Variants in NXPE2 observed in about 807,000 individuals in gnomAD.
NXPE2 encodes the protein neurexophilin and PC-esterase domain family member 2.
Under a neutral mutation model 34.4 loss-of-function variants are expected in NXPE2, and 34 were observed. That is an observed-to-expected ratio of 0.99 (90% CI 0.75 to 1.31). The LOEUF is 1.31. Ranked by LOEUF, NXPE2 falls within the 40% of genes most tolerant of loss-of-function variation. NXPE2 has a pLI of 0.00. For missense variants in NXPE2, 649 were observed against 672.5 expected, an observed-to-expected ratio of 0.97 and a Z score of 0.39; for synonymous variants, 235 against 231.3, an observed-to-expected ratio of 1.02 and a Z score of -0.15.
the NXPE2 span, among the ~76,000 whole-genome samples, chr11:114,592,800 C>T: frequency 2.0e-5 from 3 of 152,126 alleles, no homozygotes; most frequent in African/African-American, 7.2e-5. Context: ...TTATAGTAAA[C>T]AGTGTTATAC....
the NXPE2 span, among the ~76,000 whole-genome samples, chr11:114,643,823 G>A: frequency 6.6e-6 from 1 of 152,070 alleles, no homozygotes; most frequent in Non-Finnish European, 1.5e-5. Flanking sequence ...GCTTGATGGG[G>A]ATAGCAGTGA....
chr11:114,691,203 A>G (rs1300353704), intron 2 of NXPE2, among the ~76,000 whole-genome samples: 2 of 151,722 alleles, frequency 1.3e-5, no homozygotes, highest in African/African-American at 4.8e-5. Flanking sequence ...GACGGAGTTG[A>G]CACTTCTTTT....
the NXPE2 span, among the ~76,000 whole-genome samples, chr11:114,600,461 A>C: frequency 2.0e-5 from 3 of 152,280 alleles, no homozygotes; most frequent in East Asian, 5.8e-4. Flanking sequence ...TGTACTGAGA[A>C]GGGCACATCA....
chr11:114,691,962 A>C (rs1006710435), intron 2 of NXPE2, among the ~76,000 whole-genome samples: 8 of 152,352 alleles, frequency 5.3e-5, no homozygotes, highest in Middle Eastern at 6.8e-3. Flanking sequence ...CCCGGCTACA[A>C]GCCTCACCAC....
At chr11:114,560,519 G>A in the NXPE2 span, among the ~76,000 whole-genome samples, 175 of 152,032 alleles carry the variant, frequency 1.2e-3, no homozygotes, top group Non-Finnish European at 2.2e-3. Context: ...TGTCTTCCTC[G>A]GCCACCCAAA....
chr11:114,703,671 TA>T lies in NXPE2; in HGVS notation c.867-319del, dbSNP rs1252203754. 6.4e-3 allele frequency among the ~76,000 whole-genome samples: 125 copies of T among 19,396 alleles called. 1 individual carries two copies. The highest frequency in any genetic ancestry group is 0.062 in the Middle Eastern group (4 of 64). The allele number at this position is 19,396 out of a possible 152,430, so 12.7% of individuals were successfully genotyped here. On this transcript the variant is annotated intron_variant, in intron 3 of 5. Transcript: ENST00000389586. ...AAATAAGCATAGATAGATAGATAGA[TA>T]GATAGATAGATAGATAGATAGATAG...
the NXPE2 span, among the ~76,000 whole-genome samples, chr11:114,505,208 G>C: frequency 6.6e-6 from 1 of 152,134 alleles, no homozygotes; most frequent in Non-Finnish European, 1.5e-5. Context: ...CAAAACCTCT[G>C]ATAAATGTGG....
the NXPE2 span, among the ~76,000 whole-genome samples, chr11:114,468,999 A>G: frequency 2.0e-5 from 3 of 152,282 alleles, no homozygotes; most frequent in South Asian, 6.2e-4. Context: ...CAAAAAGGCA[A>G]AATTCACAAT....
chr11:114,572,411 T>G, the NXPE2 span, among the ~76,000 whole-genome samples: 1 of 152,168 alleles, frequency 6.6e-6, no homozygotes, highest in African/African-American at 2.4e-5. Flanking sequence ...GGTTGATTAT[T>G]AAGCTAATCA....
chr11:114,536,166 C>G, the NXPE2 span, among the ~76,000 whole-genome samples: 12 of 152,192 alleles, frequency 7.9e-5, no homozygotes, highest in African/African-American at 2.4e-4. Flanking sequence ...ACTGAACAAC[C>G]TGCTTCTGAA....
the NXPE2 span, among the ~76,000 whole-genome samples, chr11:114,758,076 T>C: frequency 6.6e-6 from 1 of 152,178 alleles, no homozygotes; most frequent in Admixed American, 6.5e-5. Context: ...CCTCCACAGG[T>C]GTAGAAAGAG....
chr11:114,632,024 T>A, the NXPE2 span, among the ~76,000 whole-genome samples: 1 of 147,032 alleles, frequency 6.8e-6, no homozygotes, highest in African/African-American at 2.5e-5. Flanking sequence ...AGATAATAAT[T>A]ATACTTTATA....
At chr11:114,484,323 AT>A in the NXPE2 span, among the ~76,000 whole-genome samples, 1 of 152,098 alleles carries the variant, frequency 6.6e-6, no homozygotes, top group Non-Finnish European at 1.5e-5. Context: ...TATCTGGGGT[AT>A]TTTTATTGCA....
the NXPE2 span, among the ~76,000 whole-genome samples, chr11:114,622,339 T>C: frequency 1.3e-4 from 19 of 151,986 alleles, no homozygotes; most frequent in Admixed American, 5.2e-4. Flanking sequence ...CAATGCATCA[T>C]AAGTGTTGCC....
chr11:114,810,211 C>A, the NXPE2 span, among the ~76,000 whole-genome samples: 16 of 149,038 alleles, frequency 1.1e-4, no homozygotes, highest in Middle Eastern at 3.4e-3. Flanking sequence ...TAAAGACTTA[C>A]ATGTTAGACC....
At chr11:114,511,957 T>C in the NXPE2 span, among the ~76,000 whole-genome samples, 1 of 152,218 alleles carries the variant, frequency 6.6e-6, no homozygotes, top group Non-Finnish European at 1.5e-5. Context: ...CAATTGAACC[T>C]CTTTCCTTTA....
chr11:114,754,218 C>A, the NXPE2 span, among the ~76,000 whole-genome samples: 1 of 152,030 alleles, frequency 6.6e-6, no homozygotes, highest in Non-Finnish European at 1.5e-5. Context: ...TGAGCCTGTG[C>A]AGTTAGATGG....
chr11:114,548,759 CAG>C, the NXPE2 span, among the ~76,000 whole-genome samples: 2 of 150,974 alleles, frequency 1.3e-5, no homozygotes, highest in African/African-American at 2.4e-5. Context: ...AAAAGGAAAA[CAG>C]AGTAAATCAA....
At chr11:114,551,483 C>A in the NXPE2 span, 1 of 999,826 alleles carries the variant, frequency 1.0e-6, no homozygotes. Flanking sequence ...TCTCTTAATG[C>A]CCTCTGTATT....
Sources: allele counts gnomAD v4.1 joint callset (sites outside exome capture counted in the v4.1 genomes callset), GRCh38; gene constraint gnomAD v4.1.1; transcripts MANE v1.5; gene names NCBI Gene and HGNC (gene_info 2026-07-23, HGNC 2026-07-21).